The following CDH6 variants were observed in gnomAD, a reference collection of about 807,000 sequenced individuals.
CDH6 encodes the protein cadherin-6.
A neutral mutation model predicts 78.0 loss-of-function variants in CDH6; 31 were observed. That is an observed-to-expected ratio of 0.40 (90% CI 0.30 to 0.54). CDH6 has a LOEUF of 0.54. Among genes scored for constraint, CDH6 ranks in the 20% least tolerant of loss-of-function variants. The probability of loss-of-function intolerance (pLI) is 0.56; values close to 1 mark genes in which losing one functional copy is unlikely to be tolerated. For missense variants in CDH6, 724 were observed against 975.9 expected (o/e 0.74, Z 3.44); for synonymous variants, 376 against 368.8 (o/e 1.02, Z -0.23).
intron 2 of CDH6, among the ~76,000 whole-genome samples, chr5:31,278,545 A>G (rs1402782780): frequency 6.6e-6 from 1 of 152,224 alleles, no homozygotes; most frequent in Non-Finnish European, 1.5e-5. Context: ...AGATTTGGCC[A>G]ATGGAAAACA....
At position 31,199,718 on chromosome 5, in the gene CDH6, T is replaced by TATAC. The variant is rs1177055995; in HGVS notation, c.-129+5832_-129+5833insATAC. 1.3e-4 allele frequency among the ~76,000 whole-genome samples: 10 copies of TATAC among 78,328 alleles called. 1 individual carries two copies. In the East Asian group the frequency reaches 3.0e-3, roughly 24 times the overall value. The allele number at this position is 78,328 out of a possible 152,430, so 51.4% of individuals were successfully genotyped here. On this transcript the variant is annotated intron_variant, in intron 1 of 11. Transcript: ENST00000265071. ...ATATATATATATATATATATATATCTCAAAGATAAAAAGCACTCACCAGTA... is the reference window on the plus strand; with the variant it reads ...ATATATATATATATATATATATATCTATACCAAAGATAAAAAGCACTCACCAGTA...
At position 31,293,500 on chromosome 5, in the gene CDH6, G is replaced by A. The variant is rs530531088; in HGVS notation, c.229-462G>A. 5.3e-5 allele frequency among the ~76,000 whole-genome samples: 8 copies of A among 152,164 alleles called. No homozygotes were observed. The South Asian group carries it at 1.7e-3, about 32-fold the overall frequency. On this transcript the variant is annotated intron_variant, in intron 2 of 11. Transcript: ENST00000265071. ...TAAGGTAGAAATAGAATATACCCAA[G>A]TCTCTCTGATTCAAAAATCAAAGTC...
chr5:31,252,328 G>GGTGTGTGTGTGTGTGTGTGT lies in CDH6; in HGVS notation c.-128-15013_-128-14994dup, dbSNP rs5867065. ...CTTTTAAGGTGTATTATGTGTGTGT[G>GGTGTGTGTGTGTGTGTGTGT]GTGTGTGTGTGTGTGTGTGTGTGTA... On this transcript the variant is annotated intron_variant, in intron 1 of 11. Coordinates refer to ENST00000265071, the MANE Select transcript of CDH6 (RefSeq NM_004932.4). Among the ~76,000 whole-genome samples, 485 of 149,022 alleles carry GGTGTGTGTGTGTGTGTGTGT rather than the reference G, an allele frequency of 3.3e-3. 3 individuals carry two copies. The highest frequency in any genetic ancestry group is 0.011 in the African/African-American group (435 of 40,494).
At chr5:31,274,590 C>G (rs1485392905) in intron 2 of CDH6, among the ~76,000 whole-genome samples, 1 of 152,216 alleles carries the variant, frequency 6.6e-6, no homozygotes, top group Admixed American at 6.5e-5. Context: ...GAGGCCGAGG[C>G]AGGCATATCA....
At chr5:31,300,524 A>G (rs1270326953) in intron 5 of CDH6, among the ~76,000 whole-genome samples, 1 of 152,184 alleles carries the variant, frequency 6.6e-6, no homozygotes. Flanking sequence ...AGAGCTAATT[A>G]AAGAATATCT....
chr5:31,279,933 T>C (rs1221369496), intron 2 of CDH6, among the ~76,000 whole-genome samples: 1 of 152,210 alleles, frequency 6.6e-6, no homozygotes, highest in African/African-American at 2.4e-5. Flanking sequence ...TCTTGCTGAT[T>C]ACCAATCCAC....
intron 11 of CDH6, 40 bp from the exon 12 acceptor site, chr5:31,322,778 T>C: frequency 6.4e-7 from 1 of 1,573,472 alleles, no homozygotes; most frequent in South Asian, 1.2e-5. Flanking sequence ...GGCAGCAAAT[T>C]AACTTTTCCT....
intron 3 of CDH6, among the ~76,000 whole-genome samples, chr5:31,295,995 T>C (rs1309646695): frequency 6.6e-6 from 1 of 152,208 alleles, no homozygotes; most frequent in African/African-American, 2.4e-5. Flanking sequence ...CATAAGATGT[T>C]CTCAGTCTCC....
Position 31,206,176 on chromosome 5 carries a change from CAGAT to C in CDH6, c.-129+12297_-129+12300del, listed in dbSNP as rs539533029. ...GATGATAGAATAGATGGAAAATAGA[CAGAT>C]AGATAGGTAGATAGATGGATACATA... On this transcript the variant is annotated intron_variant, in intron 1 of 11. Transcript: ENST00000265071. Among the ~76,000 whole-genome samples the C allele has an allele frequency of 2.0e-3, 302 of 151,924 alleles. 1 individual carries two copies. The highest frequency in any genetic ancestry group is 3.0e-3 in the Non-Finnish European group (205 of 67,948).
In CDH6 at chr5:31,249,388, A is replaced by G. The variant is rs577284558; in HGVS notation, c.-128-17958A>G. 2.0e-5 allele frequency: 3 copies of G among 152,312 alleles called. No homozygotes were observed. The East Asian group carries it at 5.8e-4, about 29-fold the overall frequency. The allele number at this position is 152,312 out of a possible 1,614,324, so 9.4% of individuals were successfully genotyped here. ...ACCTATTATATAATTTTCCCCTCAC[A>G]TGTCATTCCACTGACCTCAATCAAC... On this transcript the variant is annotated intron_variant, in intron 1 of 11. Coordinates refer to ENST00000265071, the MANE Select transcript of CDH6 (RefSeq NM_004932.4).
At chr5:31,299,676 A>C in intron 5 of CDH6, 45 bp downstream of exon 5, 1 of 1,522,136 alleles carries the variant, frequency 6.6e-7, no homozygotes. Context: ...TGCTTTTATA[A>C]AACTCGAACT....
rs79088118 is a variant in CDH6, at chr5:31,234,587, C to T, written c.-128-32759C>T. Reference sequence around the variant, plus strand: ...CCTCCACTCCACCACCAGGTTCTCACTGTAAATCATAGAATGTCCACATTC... The same window carrying T: ...CCTCCACTCCACCACCAGGTTCTCATTGTAAATCATAGAATGTCCACATTC... On this transcript the variant is annotated intron_variant, in intron 1 of 11. Coordinates refer to ENST00000265071, the MANE Select transcript of CDH6 (RefSeq NM_004932.4). Among the ~76,000 whole-genome samples the T allele has an allele frequency of 8.6e-3, 1,303 of 152,304 alleles. 9 individuals are homozygous for T. Among genetic ancestry groups the T allele is most frequent in the Admixed American group, 0.014 (217 of 15,300 alleles).
chr5:31,280,156 G>A (rs950547214), intron 2 of CDH6, among the ~76,000 whole-genome samples: 1 of 152,192 alleles, frequency 6.6e-6, no homozygotes, highest in African/African-American at 2.4e-5. Context: ...TGTAGGGTGG[G>A]AGAGAGAGAA....
chr5:31,215,800 C>T (rs1324999805), intron 1 of CDH6, among the ~76,000 whole-genome samples: 3 of 152,156 alleles, frequency 2.0e-5, no homozygotes, highest in Non-Finnish European at 4.4e-5. Flanking sequence ...AGGCTTTGCA[C>T]AGTTCTTGAC....
In CDH6 at chr5:31,323,856, T is replaced by A. The variant is rs2149962748; in HGVS notation, c.*548T>A. On this transcript the variant is annotated 3_prime_UTR_variant, in exon 12 of 12. Coordinates refer to ENST00000265071, the MANE Select transcript of CDH6 (RefSeq NM_004932.4). ...AACTTTCTCTGCCATCAACTACTAT[T>A]CAAAACCTCAAATCCACCCATATGT... 4.3e-6 allele frequency: 1 copy of A among 230,318 alleles called. No individual in the cohort carries two copies. Among genetic ancestry groups the A allele is most frequent in the Admixed American group, 5.6e-5 (1 of 17,734 alleles). 14.3% of individuals were successfully genotyped at this position (230,318 alleles called of 1,614,324 possible). A position where few individuals can be genotyped will look rare whatever the true frequency, so the allele number is the denominator to read the frequency against.
At chr5:31,222,334 A>G (rs2111833404) in intron 1 of CDH6, among the ~76,000 whole-genome samples, 1 of 152,330 alleles carries the variant, frequency 6.6e-6, no homozygotes, top group African/African-American at 2.4e-5. Context: ...ATACAGGTAT[A>G]AAGTTTGCCC....
chr5:31,317,982 G>A, intron 11 of CDH6, 58 bp downstream of exon 11: 1 of 1,588,174 alleles, frequency 6.3e-7, no homozygotes, highest in Middle Eastern at 1.7e-4. Flanking sequence ...CACTGTTACT[G>A]TGACACTCTA....
chr5:31,196,014 T>TA (rs1740155132), intron 1 of CDH6, among the ~76,000 whole-genome samples: 1 of 152,240 alleles, frequency 6.6e-6, no homozygotes, highest in South Asian at 2.1e-4. Flanking sequence ...TAGGGACTTT[T>TA]AGTCCCTTTA....
chr5:31,292,781 GTA>G (rs1737418475), intron 2 of CDH6, among the ~76,000 whole-genome samples: 2 of 129,576 alleles, frequency 1.5e-5, no homozygotes, highest in African/African-American at 2.9e-5. Flanking sequence ...GTGTATGTGT[GTA>G]TATGTATATA....
Sources: gnomAD v4.1 joint callset for allele counts (sites outside exome capture counted in the v4.1 genomes callset) on GRCh38, gnomAD v4.1.1 for gene constraint, MANE v1.5 for transcripts, NCBI Gene and HGNC (gene_info 2026-07-23, HGNC 2026-07-21) for gene names.